ARHGAP5: variants seen among roughly 807,000 people sequenced by gnomAD.
ARHGAP5 encodes Rho GTPase activating protein 5, also known as rho GTPase-activating protein 5.
ARHGAP5 carries 23 observed loss-of-function variants against 116.6 expected under a neutral mutation model. The ratio of observed to expected loss-of-function variants is 0.20; its 90% CI spans 0.14 to 0.28. The LOEUF (loss-of-function observed/expected upper bound fraction) is 0.28, where lower values mean the gene tolerates loss of function less well. Ranked by LOEUF, ARHGAP5 falls within the 10% of genes least tolerant of loss-of-function variation. The pLI is 1.00. For synonymous variants in ARHGAP5, 574 were observed against 602.0 expected (o/e 0.95, Z 0.68); for missense variants, 1,405 against 1,774.8 (o/e 0.79, Z 3.74).
At chr14:32,132,939 G>A (rs963170107) in intron 3 of ARHGAP5, among the ~76,000 whole-genome samples, 54 of 152,212 alleles carry the variant, frequency 3.5e-4, no homozygotes, top group Admixed American at 5.9e-4. Context: ...TGTTCCATTG[G>A]TCTGTATGTC....
rs569135931 is a variant in ARHGAP5, at chr14:32,155,004, A to C, written c.*56A>C. 5 of 1,476,324 alleles carry C rather than the reference A, an allele frequency of 3.4e-6. No homozygotes were observed. The African/African-American group carries it at 7.0e-5, about 21-fold the overall frequency. 91.5% of individuals were successfully genotyped at this position (1,476,324 alleles called of 1,614,324 possible). A position where few individuals can be genotyped will look rare whatever the true frequency, so the allele number is the denominator to read the frequency against. On this transcript the variant is annotated 3_prime_UTR_variant, in exon 7 of 7. Transcript: ENST00000345122. ...GGACAAAAAGCAAATCTAGACATGC[A>C]TGTTTCAGGGTTCAGTAGTATACTT...
intron 3 of ARHGAP5, among the ~76,000 whole-genome samples, chr14:32,145,197 G>A (rs1389572510): frequency 1.3e-5 from 2 of 152,144 alleles, no homozygotes; most frequent in East Asian, 1.9e-4. Flanking sequence ...GGTAGGTAGG[G>A]CATCTCTTAC....
intron 2 of ARHGAP5, among the ~76,000 whole-genome samples, chr14:32,114,955 C>T (rs568032571): frequency 1.5e-4 from 23 of 152,122 alleles, no homozygotes; most frequent in South Asian, 8.3e-4. Context: ...AAAACCAGTA[C>T]GACAAATATG....
chr14:32,113,742 T>C (rs531090713), intron 2 of ARHGAP5, among the ~76,000 whole-genome samples: 62 of 152,364 alleles, frequency 4.1e-4, no homozygotes, highest in Non-Finnish European at 8.1e-4. Context: ...TTCAGAATCA[T>C]TGGAAAGTTT....
At chr14:32,123,483 A>G (rs934719084) in intron 3 of ARHGAP5, among the ~76,000 whole-genome samples, 2 of 152,036 alleles carry the variant, frequency 1.3e-5, no homozygotes, top group Admixed American at 6.6e-5. Flanking sequence ...TATAAAATTT[A>G]TAATAGCCAT....
chr14:32,150,172 AT>A, intron 5 of ARHGAP5, 139 bp downstream of exon 5: 2 of 635,656 alleles, frequency 3.1e-6, no homozygotes, highest in Non-Finnish European at 4.6e-6. Flanking sequence ...TCTTAAAGGC[AT>A]TTTCCTCTAA....
At chr14:32,109,241 A>G (rs1382274241) in intron 2 of ARHGAP5, among the ~76,000 whole-genome samples, 2 of 152,014 alleles carry the variant, frequency 1.3e-5, no homozygotes, top group African/African-American at 4.8e-5. Context: ...TATTTATTTT[A>G]TAAATTTTGG....
intron 3 of ARHGAP5, among the ~76,000 whole-genome samples, chr14:32,125,810 G>GT (rs1326794882): frequency 1.3e-5 from 2 of 151,986 alleles, no homozygotes; most frequent in Non-Finnish European, 2.9e-5. Flanking sequence ...TTTCAGTACC[G>GT]TTTTGTAGTT....
chr14:32,103,705 T>C (rs1013484518), intron 2 of ARHGAP5, among the ~76,000 whole-genome samples: 10 of 152,198 alleles, frequency 6.6e-5, no homozygotes, highest in Non-Finnish European at 1.2e-4. Flanking sequence ...AGAGGTTTTT[T>C]ACAGTAGATG....
At chr14:32,142,048 T>G (rs1411712900) in intron 3 of ARHGAP5, among the ~76,000 whole-genome samples, 1 of 152,098 alleles carries the variant, frequency 6.6e-6, no homozygotes, top group East Asian at 1.9e-4. Flanking sequence ...CTGGTGAAGT[T>G]TTCTTTTCAT....
chr14:32,112,026 C>T (rs895123460), intron 2 of ARHGAP5, among the ~76,000 whole-genome samples: 1 of 151,926 alleles, frequency 6.6e-6, no homozygotes, highest in African/African-American at 2.4e-5. Flanking sequence ...ACCATGTTGG[C>T]CAGGATGGTC....
intron 1 of ARHGAP5, among the ~76,000 whole-genome samples, chr14:32,078,734 C>T (rs566828654): frequency 9.9e-5 from 15 of 152,218 alleles, no homozygotes; most frequent in African/African-American, 3.4e-4. Context: ...CTCTACATTT[C>T]CACTTAAAAT....
In ARHGAP5 at chr14:32,156,970, C is replaced by T. The variant is rs1881918749; in HGVS notation, c.*2022C>T. On this transcript the variant is annotated 3_prime_UTR_variant, in exon 7 of 7. Coordinates refer to ENST00000345122, the MANE Select transcript of ARHGAP5 (RefSeq NM_001030055.2). ...ATATGTGAATACCAGTTTATTTAAG[C>T]TGTTCTCTTTTATACTGTATTAATT... 1 of 152,264 alleles carries T rather than the reference C, an allele frequency of 6.6e-6. No homozygotes were observed. The highest frequency in any genetic ancestry group is 2.4e-5 in the African/African-American group (1 of 41,406). The allele number at this position is 152,264 out of a possible 1,614,324, so 9.4% of individuals were successfully genotyped here.
intron 3 of ARHGAP5, among the ~76,000 whole-genome samples, chr14:32,134,050 G>A (rs1324069560): frequency 1.3e-5 from 2 of 152,154 alleles, no homozygotes; most frequent in Non-Finnish European, 2.9e-5. Flanking sequence ...TATCCTTGAT[G>A]AACATCAATG....
At chr14:32,126,903 T>C (rs1880182763) in intron 3 of ARHGAP5, among the ~76,000 whole-genome samples, 1 of 151,948 alleles carries the variant, frequency 6.6e-6, no homozygotes, top group South Asian at 2.1e-4. Flanking sequence ...ATGTACTTAA[T>C]ACCACTGAAG....
intron 3 of ARHGAP5, among the ~76,000 whole-genome samples, chr14:32,139,772 T>A (rs1210669486): frequency 4.0e-5 from 6 of 151,452 alleles, no homozygotes. Flanking sequence ...CTTTTTCTAG[T>A]TCCTTAAAGT....
intron 2 of ARHGAP5, among the ~76,000 whole-genome samples, chr14:32,116,630 C>G (rs928951814): frequency 6.6e-6 from 1 of 151,866 alleles, no homozygotes; most frequent in African/African-American, 2.4e-5. Context: ...TAAAAAGCAT[C>G]AGTAGGCAGG....
intron 3 of ARHGAP5, among the ~76,000 whole-genome samples, chr14:32,119,166 C>T (rs977069535): frequency 6.6e-6 from 1 of 151,842 alleles, no homozygotes; most frequent in African/African-American, 2.4e-5. Flanking sequence ...AGCAGAAATT[C>T]CTAATTGCCT....
Position 32,091,222 on chromosome 14 carries a change from G to A in ARHGAP5, c.553G>A (p.Val185Ile). ...DQLKFVNNLFVQLSKSKKPVI... is the reference protein window; with the variant it reads ...DQLKFVNNLFIQLSKSKKPVI... ...ACTTAAATTTGTGAATAACCTTTTT[G>A]TCCAGTTATCAAAATCAAAAAAACC... is the stretch of plus-strand genomic sequence containing the variant. Residue 185 changes from valine to isoleucine, a missense_variant, in exon 2 of 7, where the codon GTC becomes ATC. Val to Ile is a conservative substitution (Grantham distance 29). Transcript: ENST00000345122. The A allele has an allele frequency of 1.9e-6, 3 of 1,612,446 alleles. No individual in the cohort carries two copies. The highest frequency in any genetic ancestry group is 2.5e-6 in the Non-Finnish European group (3 of 1,179,314).
Sources: gnomAD v4.1 joint callset for allele counts (sites outside exome capture counted in the v4.1 genomes callset) on GRCh38, gnomAD v4.1.1 for gene constraint, MANE v1.5 for transcripts, NCBI Gene and HGNC (gene_info 2026-07-23, HGNC 2026-07-21) for gene names.